OLA1: variants seen among roughly 807,000 people sequenced by gnomAD.
OLA1 encodes obg-like ATPase 1.
A neutral mutation model predicts 48.4 loss-of-function variants in OLA1; 14 were observed. The observed-to-expected ratio is 0.29, with a 90% CI of 0.19 to 0.45. The LOEUF is 0.45. OLA1 is among the 20% of genes least tolerant of loss of function. The pLI, the probability that OLA1 is intolerant of heterozygous loss-of-function variation, is 1.00. For missense variants in OLA1, 325 were observed against 467.1 expected, an observed-to-expected ratio of 0.70 and a Z score of 2.80; for synonymous variants, 127 against 150.4, an observed-to-expected ratio of 0.84 and a Z score of 1.14.
At chr2:174,164,641 A>T (rs921504344) in intron 4 of OLA1, among the ~76,000 whole-genome samples, 9 of 152,200 alleles carry the variant, frequency 5.9e-5, no homozygotes, top group African/African-American at 2.2e-4. Context: ...AAAATTTCAC[A>T]GGTATTTTCT....
At chr2:174,128,836 C>T (rs1686106851) in intron 5 of OLA1, among the ~76,000 whole-genome samples, 1 of 152,014 alleles carries the variant, frequency 6.6e-6, no homozygotes, top group Admixed American at 6.5e-5. Context: ...CAACAGAACA[C>T]TTTGTAGTCA....
At chr2:174,163,812 C>CA (rs1247949906) in intron 4 of OLA1, among the ~76,000 whole-genome samples, 4 of 102,942 alleles carry the variant, frequency 3.9e-5, no homozygotes, top group Non-Finnish European at 5.9e-5. Context: ...AAAGCTGATC[C>CA]AAAAAAAAAG....
Position 174,217,291 on chromosome 2 carries a change from T to A in OLA1, c.373+5742A>T, listed in dbSNP as rs150240940. On this transcript the variant is annotated intron_variant, in intron 4 of 10. Coordinates refer to ENST00000284719, the MANE Select transcript of OLA1 (RefSeq NM_013341.5). ...GTTGCCCAGGCTGCTCTCGCACTCC[T>A]GGGCTCAACTAATCCACTCGCCTCA... Among the ~76,000 whole-genome samples, 1,201 of 152,248 alleles carry A rather than the reference T, an allele frequency of 7.9e-3. 8 individuals are homozygous for A. The highest frequency in any genetic ancestry group is 0.017 in the Admixed American group (257 of 15,286).
intron 2 of OLA1, among the ~76,000 whole-genome samples, chr2:174,230,031 TAAATC>T (rs1193321361): frequency 1.3e-5 from 2 of 152,194 alleles, no homozygotes; most frequent in Non-Finnish European, 2.9e-5. Context: ...AGGTATGACT[TAAATC>T]AAGAAAATAT....
At chr2:174,146,147 G>A (rs183333000) in intron 4 of OLA1, among the ~76,000 whole-genome samples, 15 of 103,894 alleles carry the variant, frequency 1.4e-4, no homozygotes, top group Admixed American at 1.4e-3. Context: ...CCATGGCAGG[G>A]GATGGAAGAT....
At position 174,246,566 on chromosome 2, in the gene OLA1, ACT is replaced by A. The variant is rs542369691; in HGVS notation, c.101+147_101+148del. The A allele has an allele frequency of 4.4e-4, 271 of 612,292 alleles. No individual in the cohort carries two copies. The African/African-American group carries it at 4.6e-3, about 10-fold the overall frequency. The allele number at this position is 612,292 out of a possible 1,614,324, so 37.9% of individuals were successfully genotyped here. A position where few individuals can be genotyped will look rare whatever the true frequency, so the allele number is the denominator to read the frequency against. On this transcript the variant is annotated intron_variant, in intron 2 of 10. Coordinates refer to ENST00000284719, the MANE Select transcript of OLA1 (RefSeq NM_013341.5). ...ACTGAAATCAATAAAATACATCTAA[ACT>A]AAAGCCTAATTTTGCAATATTAATA...
intron 7 of OLA1, among the ~76,000 whole-genome samples, chr2:174,092,164 G>A (rs1413299569): frequency 6.6e-6 from 1 of 150,804 alleles, no homozygotes; most frequent in East Asian, 1.9e-4. Context: ...AAAGAAAAAA[G>A]GAAAGGAGAG....
At chr2:174,156,639 C>T (rs1264201227) in intron 4 of OLA1, among the ~76,000 whole-genome samples, 1 of 131,708 alleles carries the variant, frequency 7.6e-6, no homozygotes, top group Non-Finnish European at 1.5e-5. Flanking sequence ...GGCTGGAGTG[C>T]AGTGGCGCCA....
chr2:174,247,571 G>C lies in OLA1; in HGVS notation c.1-756C>G. 7 of 1,509,814 alleles carry C rather than the reference G, an allele frequency of 4.6e-6. 1 individual carries two copies. The South Asian group carries it at 8.7e-5, about 19-fold the overall frequency. The allele number at this position is 1,509,814 out of a possible 1,614,324, so 93.5% of individuals were successfully genotyped here. On this transcript the variant is annotated intron_variant, in intron 1 of 10. Transcript: ENST00000284719. ...AAATTCCATTGTGGAACCACCAGCA[G>C]CCAAGTCACCCTTCACACCAAACCA...
At chr2:174,172,923 A>G (rs1358337094) in intron 4 of OLA1, among the ~76,000 whole-genome samples, 1 of 152,012 alleles carries the variant, frequency 6.6e-6, no homozygotes, top group Non-Finnish European at 1.5e-5. Flanking sequence ...TGTTTAAAAG[A>G]GAGTGGCACT....
chr2:174,225,367 A>T (rs1688592460), intron 3 of OLA1, among the ~76,000 whole-genome samples: 1 of 152,270 alleles, frequency 6.6e-6, no homozygotes, highest in Admixed American at 6.5e-5. Context: ...CCTGACCAAC[A>T]TGGAGAAACC....
chr2:174,219,329 C>T lies in OLA1; in HGVS notation c.373+3704G>A, dbSNP rs1029317077. Among the ~76,000 whole-genome samples, 45 of 147,948 alleles carry T rather than the reference C, an allele frequency of 3.0e-4. 1 individual carries two copies. The highest frequency in any genetic ancestry group is 1.0e-3 in the African/African-American group (40 of 40,174). On this transcript the variant is annotated intron_variant, in intron 4 of 10. Coordinates refer to ENST00000284719, the MANE Select transcript of OLA1 (RefSeq NM_013341.5). ...GTATTCTATATTGTTTATGCTCATA[C>T]ATCATCTAGGGAAATCATTATCAGT...
At chr2:174,190,944 C>CAAAAAA (rs774971306) in intron 4 of OLA1, among the ~76,000 whole-genome samples, 6 of 32,872 alleles carry the variant, frequency 1.8e-4, no homozygotes, top group Admixed American at 4.0e-4. Context: ...GACTTCGTCT[C>CAAAAAA]AAAAAAAAAA....
chr2:174,161,544 G>A (rs1370599797), intron 4 of OLA1, among the ~76,000 whole-genome samples: 1 of 152,020 alleles, frequency 6.6e-6, no homozygotes, highest in East Asian at 1.9e-4. Context: ...ACACACCTGT[G>A]GTCCTGGCTA....
At chr2:174,198,003 C>G (rs753714844) in intron 4 of OLA1, among the ~76,000 whole-genome samples, 1 of 152,186 alleles carries the variant, frequency 6.6e-6, no homozygotes, top group Non-Finnish European at 1.5e-5. Flanking sequence ...CTTGCTCTGT[C>G]GCCAGACTGG....
At chr2:174,159,950 A>C (rs1236763411) in intron 4 of OLA1, among the ~76,000 whole-genome samples, 2 of 152,096 alleles carry the variant, frequency 1.3e-5, no homozygotes, top group Admixed American at 1.3e-4. Flanking sequence ...CTTGAGACTG[A>C]GATTTATTTA....
intron 4 of OLA1, among the ~76,000 whole-genome samples, chr2:174,163,425 C>T (rs1381427443): frequency 1.3e-5 from 2 of 151,928 alleles, no homozygotes; most frequent in Non-Finnish European, 2.9e-5. Flanking sequence ...TGGTGGCTCA[C>T]GCCTGTAATC....
chr2:174,133,966 A>C (rs536503583), intron 5 of OLA1, among the ~76,000 whole-genome samples: 80 of 152,286 alleles, frequency 5.3e-4, no homozygotes, highest in African/African-American at 1.9e-3. Context: ...GACAACCACC[A>C]ATATGCAGTT....
At chr2:174,097,254 G>C (rs1003798594) in intron 7 of OLA1, among the ~76,000 whole-genome samples, 2 of 152,188 alleles carry the variant, frequency 1.3e-5, no homozygotes, top group Non-Finnish European at 2.9e-5. Context: ...AACTGGAAGG[G>C]AAAGAATTCA....
Sources: gnomAD v4.1 joint callset for allele counts (sites outside exome capture counted in the v4.1 genomes callset) on GRCh38, gnomAD v4.1.1 for gene constraint, MANE v1.5 for transcripts, NCBI Gene and HGNC (gene_info 2026-07-23, HGNC 2026-07-21) for gene names.